The following SDK1 variants were observed in gnomAD, a reference collection of about 807,000 sequenced individuals.
SDK1 encodes the protein protein sidekick-1.
A neutral mutation model predicts 245.5 loss-of-function variants in SDK1; 157 were observed. The ratio of observed to expected loss-of-function variants is 0.64; its 90% CI spans 0.56 to 0.73. The LOEUF is 0.73. Among genes scored for constraint, SDK1 ranks in the 30% least tolerant of loss-of-function variants. The pLI is 0.00. For missense variants in SDK1, 3,583 were observed against 3,002.3 expected (o/e 1.19, Z -4.52); for synonymous variants, 1,647 against 1,278.5 (o/e 1.29, Z -6.15).
intron 1 of SDK1, among the ~76,000 whole-genome samples, chr7:3,371,032 C>T (rs535327433): frequency 8.5e-5 from 13 of 152,194 alleles, no homozygotes; most frequent in Middle Eastern, 3.4e-3. Context: ...CTTTTTGAAA[C>T]GGAGGAAGAG....
chr7:4,177,573 T>C (rs1173804181), intron 34 of SDK1, among the ~76,000 whole-genome samples: 2 of 152,134 alleles, frequency 1.3e-5, no homozygotes, highest in East Asian at 3.9e-4. Context: ...GTTCATAATT[T>C]CAAGGAGAGA....
chr7:3,704,226 CT>C (rs766693529), intron 4 of SDK1, among the ~76,000 whole-genome samples: 6 of 151,736 alleles, frequency 4.0e-5, no homozygotes, highest in Non-Finnish European at 5.9e-5. Context: ...TTATTTTGTT[CT>C]TTTTTTTATG....
Position 3,558,711 on chromosome 7 carries a change from G to C in SDK1, c.299-60369G>C, listed in dbSNP as rs371634833. On this transcript the variant is annotated intron_variant, in intron 1 of 44. Transcript: ENST00000404826. Reference sequence around the variant, plus strand: ...GATTATCAAGTCAAGATATCTAAATGGCAGTTAAATCATGAACATAAAAAT... The same window carrying C: ...GATTATCAAGTCAAGATATCTAAATCGCAGTTAAATCATGAACATAAAAAT... 2.4e-3 allele frequency among the ~76,000 whole-genome samples: 369 copies of C among 152,280 alleles called. 4 individuals carry two copies. Among genetic ancestry groups the C allele is most frequent in the African/African-American group, 8.3e-3 (346 of 41,542 alleles).
At chr7:3,792,781 T>C (rs1317909953) in intron 4 of SDK1, among the ~76,000 whole-genome samples, 3 of 152,044 alleles carry the variant, frequency 2.0e-5, no homozygotes, top group Non-Finnish European at 4.4e-5. Context: ...CATCCACCCA[T>C]CCATCCAACC....
intron 4 of SDK1, among the ~76,000 whole-genome samples, chr7:3,691,059 T>C (rs1006557728): frequency 2.0e-5 from 3 of 152,192 alleles, no homozygotes; most frequent in African/African-American, 4.8e-5. Context: ...TTTCAACTTA[T>C]TAGAGAAAAA....
At chr7:3,834,636 C>T (rs749893179) in intron 5 of SDK1, among the ~76,000 whole-genome samples, 33 of 152,298 alleles carry the variant, frequency 2.2e-4, no homozygotes, top group African/African-American at 6.0e-4. Context: ...TTATAAATAT[C>T]AGTGCCCCCC....
intron 1 of SDK1, among the ~76,000 whole-genome samples, chr7:3,469,428 CTT>C (rs1781115146): frequency 1.3e-5 from 2 of 152,104 alleles, no homozygotes; most frequent in East Asian, 3.9e-4. Flanking sequence ...GACCTTGTCT[CTT>C]AAAAATAAAT....
intron 4 of SDK1, among the ~76,000 whole-genome samples, chr7:3,802,051 T>C (rs1779119575): frequency 6.6e-6 from 1 of 152,258 alleles, no homozygotes; most frequent in Non-Finnish European, 1.5e-5. Flanking sequence ...CTGTACTTAA[T>C]TATACATTCA....
chr7:3,566,997 C>T (rs1423655704), intron 1 of SDK1, among the ~76,000 whole-genome samples: 1 of 152,022 alleles, frequency 6.6e-6, no homozygotes, highest in Non-Finnish European at 1.5e-5. Flanking sequence ...TACTGGAGAA[C>T]AGAAGTTGCT....
At chr7:3,787,620 C>T (rs1424802983) in intron 4 of SDK1, among the ~76,000 whole-genome samples, 2 of 152,170 alleles carry the variant, frequency 1.3e-5, no homozygotes, top group East Asian at 3.9e-4. Flanking sequence ...TATCATTCCT[C>T]TGGAAGACCA....
chr7:3,660,816 T>C (rs1783328525), intron 4 of SDK1, among the ~76,000 whole-genome samples: 1 of 152,246 alleles, frequency 6.6e-6, no homozygotes. Context: ...TTAGAACTTA[T>C]TTATCTTTGA....
chr7:3,351,187 A>G (rs1408839310), intron 1 of SDK1, among the ~76,000 whole-genome samples: 1 of 152,210 alleles, frequency 6.6e-6, no homozygotes, highest in East Asian at 1.9e-4. Flanking sequence ...CTTAAAGGCC[A>G]GATGGTAGTT....
At chr7:3,886,035 A>C (rs1272849368) in intron 5 of SDK1, among the ~76,000 whole-genome samples, 1 of 152,000 alleles carries the variant, frequency 6.6e-6, no homozygotes, top group Non-Finnish European at 1.5e-5. Context: ...GCCGTGCCAC[A>C]GGGAAGGGAA....
intron 5 of SDK1, among the ~76,000 whole-genome samples, chr7:3,882,647 G>C (rs191806194): frequency 3.5e-4 from 54 of 152,232 alleles, no homozygotes; most frequent in African/African-American, 1.3e-3. Flanking sequence ...CATTGTTGGA[G>C]CGTGTTTCAC....
At chr7:3,576,498 T>G (rs1333256728) in intron 1 of SDK1, among the ~76,000 whole-genome samples, 1 of 152,104 alleles carries the variant, frequency 6.6e-6, no homozygotes, top group Non-Finnish European at 1.5e-5. Context: ...GTCTTGCTCC[T>G]TGCTATGTTT....
chr7:4,233,290 C>T lies in SDK1; in HGVS notation c.5863C>T (p.Pro1955Ser), dbSNP rs376242565. Residue 1955 changes from proline (P) to serine (S), a missense_variant, in exon 41 of 45, where the codon CCG (proline) becomes TCG (serine). Transcript: ENST00000404826. ...GLWDMFVKDIPRSATSYTLSL... is the reference protein window; with the variant it reads ...GLWDMFVKDISRSATSYTLSL... ...ATGGGACATGTTTGTGAAGGACATC[C>T]CGCGGAGCGCCACATCCTACACCCT... The T allele has an allele frequency of 4.3e-6, 7 of 1,613,892 alleles. No individual in the cohort carries two copies. Among genetic ancestry groups the T allele is most frequent in the Non-Finnish European group, 5.9e-6 (7 of 1,179,982 alleles).
At chr7:3,933,075 A>T (rs996034017) in intron 5 of SDK1, among the ~76,000 whole-genome samples, 1 of 151,620 alleles carries the variant, frequency 6.6e-6, no homozygotes, top group Non-Finnish European at 1.5e-5. Flanking sequence ...GGGTAGCACA[A>T]ATCCTCTCTC....
At chr7:3,849,410 A>G (rs1780364806) in intron 5 of SDK1, among the ~76,000 whole-genome samples, 1 of 152,230 alleles carries the variant, frequency 6.6e-6, no homozygotes, top group South Asian at 2.1e-4. Context: ...AGAGTTTAGA[A>G]TGGAATTTGT....
intron 25 of SDK1, 61 bp downstream of exon 25, chr7:4,114,335 T>C (rs758198734): frequency 1.7e-5 from 22 of 1,316,814 alleles, no homozygotes; most frequent in Non-Finnish European, 2.3e-5. Context: ...TGAGTGCCCC[T>C]GAGCCTCCAG....
Sources: allele counts gnomAD v4.1 joint callset (sites outside exome capture counted in the v4.1 genomes callset), GRCh38; gene constraint gnomAD v4.1.1; transcripts MANE v1.5; gene names NCBI Gene and HGNC (gene_info 2026-07-23, HGNC 2026-07-21).